The following ATP6V1H variants were observed in gnomAD, a reference collection of about 807,000 sequenced individuals.
ATP6V1H encodes V-type proton ATPase subunit H.
ATP6V1H carries 39 observed loss-of-function variants against 71.7 expected under a neutral mutation model. That is an observed-to-expected ratio of 0.54 (90% CI 0.42 to 0.71). The LOEUF is 0.71. Ranked by LOEUF, ATP6V1H falls within the 30% of genes least tolerant of loss-of-function variation. The pLI, the probability that ATP6V1H is intolerant of heterozygous loss-of-function variation, is 0.00. For synonymous variants in ATP6V1H, 192 were observed against 199.3 expected (o/e 0.96, Z 0.31); for missense variants, 509 against 594.9 (o/e 0.86, Z 1.50).
At chr8:53,736,875 C>G (rs1807222293) in intron 13 of ATP6V1H, among the ~76,000 whole-genome samples, 1 of 152,174 alleles carries the variant, frequency 6.6e-6, no homozygotes, top group South Asian at 2.1e-4. Context: ...TCAGACAGCC[C>G]AGCGCCACAC....
At chr8:53,807,417 T>C (rs1305112661) in intron 7 of ATP6V1H, among the ~76,000 whole-genome samples, 1 of 151,704 alleles carries the variant, frequency 6.6e-6, no homozygotes, top group Non-Finnish European at 1.5e-5. Context: ...CTGGCCAACA[T>C]GGCGAAACCC....
chr8:53,752,848 C>A (rs774575645), intron 12 of ATP6V1H, among the ~76,000 whole-genome samples: 7 of 152,140 alleles, frequency 4.6e-5, no homozygotes, highest in African/African-American at 1.7e-4. Flanking sequence ...CCGCACCCAG[C>A]GATCCTTTCT....
chr8:53,810,723 G>C (rs992429015), intron 7 of ATP6V1H, among the ~76,000 whole-genome samples: 1 of 152,192 alleles, frequency 6.6e-6, no homozygotes, highest in Admixed American at 6.5e-5. Context: ...CTGGGGGATA[G>C]AGCTAGACTG....
intron 9 of ATP6V1H, among the ~76,000 whole-genome samples, chr8:53,777,740 C>T (rs1808946143): frequency 6.6e-6 from 1 of 152,116 alleles, no homozygotes; most frequent in Non-Finnish European, 1.5e-5. Context: ...AACAAATGAG[C>T]AAAGCAGTGT....
chr8:53,838,293 T>C (rs1183539282), intron 2 of ATP6V1H, among the ~76,000 whole-genome samples: 1 of 152,040 alleles, frequency 6.6e-6, no homozygotes, highest in East Asian at 1.9e-4. Flanking sequence ...ACACGGCTAA[T>C]TTTTTAGTAG....
At chr8:53,791,706 C>T (rs1308275946) in intron 9 of ATP6V1H, among the ~76,000 whole-genome samples, 5 of 152,318 alleles carry the variant, frequency 3.3e-5, no homozygotes, top group African/African-American at 1.2e-4. Flanking sequence ...AAAGGCCCCT[C>T]GGGCCCTGTC....
intron 12 of ATP6V1H, 83 bp from the exon 13 acceptor site, chr8:53,743,773 C>A (rs1000526519): frequency 2.4e-6 from 2 of 849,796 alleles, no homozygotes; most frequent in African/African-American, 1.7e-5. Flanking sequence ...AATACCAACA[C>A]GCTAAAAAGG....
intron 11 of ATP6V1H, among the ~76,000 whole-genome samples, chr8:53,766,028 C>T (rs977400698): frequency 6.6e-6 from 1 of 152,164 alleles, no homozygotes; most frequent in Admixed American, 6.5e-5. Context: ...AAGGGCAATT[C>T]ATTGGAGCAA....
At chr8:53,728,640 G>A (rs1016359366) in intron 13 of ATP6V1H, among the ~76,000 whole-genome samples, 4 of 152,136 alleles carry the variant, frequency 2.6e-5, no homozygotes, top group African/African-American at 9.7e-5. Flanking sequence ...TCCACTCGAC[G>A]GCATTTGTTA....
chr8:53,818,384 CA>C (rs1249340098), intron 4 of ATP6V1H, among the ~76,000 whole-genome samples: 1 of 151,992 alleles, frequency 6.6e-6, no homozygotes, highest in Non-Finnish European at 1.5e-5. Flanking sequence ...ACCACATAAA[CA>C]AAAAATTCCT....
intron 13 of ATP6V1H, among the ~76,000 whole-genome samples, chr8:53,740,565 A>G (rs1349563712): frequency 7.2e-5 from 11 of 152,210 alleles, no homozygotes. Context: ...GCCAATGCTA[A>G]AAGAAAAACT....
intron 13 of ATP6V1H, among the ~76,000 whole-genome samples, chr8:53,734,623 C>T (rs1563441225): frequency 6.6e-6 from 1 of 152,142 alleles, no homozygotes; most frequent in Non-Finnish European, 1.5e-5. Context: ...AAAACATCAG[C>T]AAGAAATCCT....
chr8:53,736,630 G>A (rs1807212910), intron 13 of ATP6V1H, among the ~76,000 whole-genome samples: 1 of 152,070 alleles, frequency 6.6e-6, no homozygotes, highest in Non-Finnish European at 1.5e-5. Context: ...ATAATAAAAA[G>A]TTTTGTTGCT....
chr8:53,778,570 T>G (rs1318459409), intron 9 of ATP6V1H, among the ~76,000 whole-genome samples: 1 of 152,126 alleles, frequency 6.6e-6, no homozygotes, highest in Non-Finnish European at 1.5e-5. Flanking sequence ...TGCAGCAACA[T>G]GGACAGAACT....
chr8:53,741,520 C>A (rs1807412732), intron 13 of ATP6V1H, among the ~76,000 whole-genome samples: 1 of 152,180 alleles, frequency 6.6e-6, no homozygotes, highest in South Asian at 2.1e-4. Flanking sequence ...TCATTGGTTG[C>A]AATGGCCTGA....
At chr8:53,738,964 T>G (rs1205701974) in intron 13 of ATP6V1H, among the ~76,000 whole-genome samples, 1 of 152,184 alleles carries the variant, frequency 6.6e-6, no homozygotes, top group Non-Finnish European at 1.5e-5. Flanking sequence ...TATATTTGTT[T>G]TTTTCAAATA....
At chr8:53,801,654 A>G in intron 8 of ATP6V1H, 145 bp downstream of exon 8, 1 of 658,000 alleles carries the variant, frequency 1.5e-6, no homozygotes, top group Non-Finnish European at 2.5e-6. Context: ...ATAGTTACTA[A>G]CTTCTAAAAA....
At chr8:53,774,628 T>C (rs769393334) in intron 9 of ATP6V1H, among the ~76,000 whole-genome samples, 1 of 151,206 alleles carries the variant, frequency 6.6e-6, no homozygotes, top group African/African-American at 2.4e-5. Context: ...AAACCAACTA[T>C]AAAATCTGGA....
At chr8:53,833,168 T>A (rs1811062738) in intron 2 of ATP6V1H, 82 bp from the exon 3 acceptor site, 2 of 1,113,250 alleles carry the variant, frequency 1.8e-6, no homozygotes, top group Non-Finnish European at 2.6e-6. Context: ...GTCCTTCTCT[T>A]CTCTCCTTGG....
Sources: allele counts gnomAD v4.1 joint callset (sites outside exome capture counted in the v4.1 genomes callset), GRCh38; gene constraint gnomAD v4.1.1; transcripts MANE v1.5; gene names NCBI Gene and HGNC (gene_info 2026-07-23, HGNC 2026-07-21).